DSE: variants seen among roughly 807,000 people sequenced by gnomAD.
The protein encoded by DSE is dermatan sulfate epimerase.
DSE carries 36 observed loss-of-function variants against 84.4 expected under a neutral mutation model. The ratio of observed to expected loss-of-function variants is 0.43; its 90% confidence interval spans 0.33 to 0.56. DSE has a LOEUF of 0.56. DSE is among the 20% of genes least tolerant of loss of function. The pLI is 0.06. For synonymous variants in DSE, 410 were observed against 430.1 expected (o/e 0.95, Z 0.58); for missense variants, 862 against 1,169.6 (o/e 0.74, Z 3.84).
chr6:116,293,024 T>A (rs1774389397), intron 2 of DSE, among the ~76,000 whole-genome samples: 1 of 152,190 alleles, frequency 6.6e-6, no homozygotes, highest in African/African-American at 2.4e-5. Flanking sequence ...AGAGAGGTGG[T>A]GACATTAGGA....
At chr6:116,352,643 T>A (rs1778368982) in intron 2 of DSE, among the ~76,000 whole-genome samples, 1 of 152,040 alleles carries the variant, frequency 6.6e-6, no homozygotes, top group Non-Finnish European at 1.5e-5. Context: ...GGATGCTTTT[T>A]AAAACCACCA....
intron 2 of DSE, among the ~76,000 whole-genome samples, chr6:116,343,658 T>C (rs913086722): frequency 6.6e-6 from 1 of 152,124 alleles, no homozygotes; most frequent in African/African-American, 2.4e-5. Flanking sequence ...CAAGGGTAGA[T>C]AAAACCACAA....
At chr6:116,319,477 C>T (rs890202439) in intron 2 of DSE, among the ~76,000 whole-genome samples, 3 of 152,212 alleles carry the variant, frequency 2.0e-5, no homozygotes, top group Non-Finnish European at 4.4e-5. Flanking sequence ...GAAGCCTCTG[C>T]TTACATTCCA....
intron 2 of DSE, among the ~76,000 whole-genome samples, chr6:116,274,270 T>TA (rs1773013521): frequency 6.6e-6 from 1 of 151,950 alleles, no homozygotes; most frequent in African/African-American, 2.4e-5. Flanking sequence ...AAACTAAAAA[T>TA]AGAGCATTTG....
intron 1 of DSE, among the ~76,000 whole-genome samples, chr6:116,381,202 A>C (rs1038355078): frequency 2.6e-5 from 4 of 152,062 alleles, no homozygotes; most frequent in Non-Finnish European, 5.9e-5. Context: ...GTGTTCTTTG[A>C]ATGAGGAAAG....
At chr6:116,291,662 T>C (rs889739099) in intron 2 of DSE, among the ~76,000 whole-genome samples, 2 of 151,990 alleles carry the variant, frequency 1.3e-5, no homozygotes, top group African/African-American at 2.4e-5. Flanking sequence ...GGGATTGACA[T>C]GGACAGTGTC....
chr6:116,301,072 A>G (rs2114703589), intron 2 of DSE, among the ~76,000 whole-genome samples: 1 of 150,540 alleles, frequency 6.6e-6, no homozygotes, highest in African/African-American at 2.4e-5. Context: ...TAAGAGATAG[A>G]GAGTTCTTTG....
At chr6:116,292,075 G>A (rs765743301) in intron 2 of DSE, among the ~76,000 whole-genome samples, 4 of 152,176 alleles carry the variant, frequency 2.6e-5, no homozygotes, top group East Asian at 1.9e-4. Context: ...CAGGAGAAGA[G>A]TGGGGTTTAC....
intron 1 of DSE, chr6:116,257,287 G>A (rs1159315995): frequency 6.6e-6 from 1 of 152,184 alleles, no homozygotes; most frequent in African/African-American, 2.4e-5. Context: ...GAGAAATAAA[G>A]TGGTTTATCC....
rs750066042 is a variant in DSE at position 116,279,684 on chromosome 6, C to A, written c.-54+20717C>A. On this transcript the variant is annotated intron_variant, in intron 2 of 3. Transcript: ENST00000430252. Reference sequence around the variant, plus strand: ...CGACGGTCTCCGAGCCTCCCTCACCCGGCTCCGCCATCACCTGTGTCGCCT... The same window carrying A: ...CGACGGTCTCCGAGCCTCCCTCACCAGGCTCCGCCATCACCTGTGTCGCCT... The A allele has an allele frequency of 2.5e-6, 4 of 1,609,776 alleles. No individual in the cohort carries two copies. The Admixed American group carries it at 6.7e-5, about 27-fold the overall frequency.
intron 2 of DSE, among the ~76,000 whole-genome samples, chr6:116,272,644 T>C (rs1316787699): frequency 6.6e-6 from 1 of 151,796 alleles, no homozygotes; most frequent in Non-Finnish European, 1.5e-5. Flanking sequence ...ACTTAAGGAG[T>C]TCAAGAAAAG....
chr6:116,259,262 T>C, intron 2 of DSE: 1 of 577,762 alleles, frequency 1.7e-6, no homozygotes, highest in East Asian at 2.9e-5. Flanking sequence ...ATATAAATGC[T>C]TTGACATGCC....
At chr6:116,328,718 T>C (rs1776774143) in intron 2 of DSE, among the ~76,000 whole-genome samples, 2 of 152,326 alleles carry the variant, frequency 1.3e-5, no homozygotes, top group East Asian at 3.9e-4. Flanking sequence ...AACAAACCAC[T>C]TTATTCTTCT....
intron 2 of DSE, among the ~76,000 whole-genome samples, chr6:116,320,548 T>A (rs1776243054): frequency 6.6e-6 from 1 of 152,072 alleles, no homozygotes; most frequent in Non-Finnish European, 1.5e-5. Flanking sequence ...TGTATTAGTT[T>A]GCTTGCGCTG....
At chr6:116,391,634 C>T (rs1001643208) in intron 1 of DSE, among the ~76,000 whole-genome samples, 4 of 151,748 alleles carry the variant, frequency 2.6e-5, no homozygotes, top group Non-Finnish European at 4.4e-5. Context: ...GGCGTGGTGG[C>T]GGGTGCCTGT....
intron 2 of DSE, among the ~76,000 whole-genome samples, chr6:116,331,488 TA>T (rs1397924211): frequency 2.6e-5 from 4 of 152,156 alleles, no homozygotes; most frequent in African/African-American, 9.7e-5. Context: ...GAAATGCCCC[TA>T]TGATCTAATC....
intron 2 of DSE, among the ~76,000 whole-genome samples, chr6:116,315,955 A>G (rs773550800): frequency 2.6e-5 from 4 of 152,090 alleles, no homozygotes; most frequent in South Asian, 2.1e-4. Flanking sequence ...GCACCACTGC[A>G]CTCCAGCCTG....
At chr6:116,431,383 T>G (rs1174483480) in intron 4 of DSE, among the ~76,000 whole-genome samples, 190 bp downstream of exon 4, 2 of 152,162 alleles carry the variant, frequency 1.3e-5, no homozygotes, top group African/African-American at 4.8e-5. Context: ...GAGGCTAATG[T>G]GAGTATTTAT....
chr6:116,386,026 CT>C (rs2114960479), intron 1 of DSE, among the ~76,000 whole-genome samples: 1 of 152,316 alleles, frequency 6.6e-6, no homozygotes, highest in East Asian at 1.9e-4. Flanking sequence ...TTCCAATGAA[CT>C]TCCTTTTAGC....
Sources: gnomAD v4.1 joint callset for allele counts (sites outside exome capture counted in the v4.1 genomes callset) on GRCh38, gnomAD v4.1.1 for gene constraint, MANE v1.5 for transcripts, NCBI Gene and HGNC (gene_info 2026-07-23, HGNC 2026-07-21) for gene names.